The following UEVLD variants were observed in gnomAD, a reference collection of about 807,000 sequenced individuals.
UEVLD encodes UEV and lactate/malate dehyrogenase domains, also known as ubiquitin-conjugating enzyme E2 variant 3.
In UEVLD, 47 loss-of-function variants were observed where a neutral mutation model predicts 58.6. The ratio of observed to expected loss-of-function variants is 0.80; its 90% CI spans 0.63 to 1.02. The LOEUF (loss-of-function observed/expected upper bound fraction) is 1.02, where lower values mean the gene tolerates loss of function less well. UEVLD is among the 50% of genes least tolerant of loss of function. The pLI, the probability that UEVLD is intolerant of heterozygous loss-of-function variation, is 0.00. For missense variants in UEVLD, 510 were observed against 550.6 expected, an observed-to-expected ratio of 0.93 and a Z score of 0.74; for synonymous variants, 197 against 195.3, an observed-to-expected ratio of 1.01 and a Z score of -0.07.
At chr11:18,540,925 G>A (rs1287705711) in intron 9 of UEVLD, among the ~76,000 whole-genome samples, 1 of 152,170 alleles carries the variant, frequency 6.6e-6, no homozygotes. Flanking sequence ...AGCAAAGCAG[G>A]TGGCCAATAA....
chr11:18,570,096 A>C lies in UEVLD; in HGVS notation c.357+118T>G. ...CAATTTCAAATTACTTCCAAAGACT[A>C]CATGAAGAATATCATTGAAAGAAAA... On this transcript the variant is annotated intron_variant, in intron 4 of 11. Coordinates refer to ENST00000396197, the MANE Select transcript of UEVLD (RefSeq NM_001040697.4). The C allele has an allele frequency of 5.4e-6, 6 of 1,111,644 alleles. No homozygotes were observed. The South Asian group carries it at 1.0e-4, about 19-fold the overall frequency. The allele number at this position is 1,111,644 out of a possible 1,614,324, so 68.9% of individuals were successfully genotyped here. A position where few individuals can be genotyped will look rare whatever the true frequency, so the allele number is the denominator to read the frequency against.
chr11:18,560,285 T>G (rs574130288), intron 6 of UEVLD, among the ~76,000 whole-genome samples: 5 of 152,240 alleles, frequency 3.3e-5, no homozygotes, highest in African/African-American at 1.2e-4. Context: ...TAAAACATAG[T>G]TATTAATTTT....
intron 9 of UEVLD, chr11:18,536,878 G>A (rs1173648385): frequency 5.4e-6 from 1 of 184,986 alleles, no homozygotes; most frequent in Non-Finnish European, 1.1e-5. Flanking sequence ...CTGTTACAGA[G>A]GCAGAGAATC....
At chr11:18,585,289 G>A (rs1303141966) in intron 1 of UEVLD, among the ~76,000 whole-genome samples, 1 of 152,142 alleles carries the variant, frequency 6.6e-6, no homozygotes, top group Admixed American at 6.5e-5. Flanking sequence ...TGCATATTCT[G>A]AGCCTATAAC....
intron 3 of UEVLD, among the ~76,000 whole-genome samples, chr11:18,573,692 G>C (rs1303576733): frequency 6.6e-6 from 1 of 152,066 alleles, no homozygotes; most frequent in Non-Finnish European, 1.5e-5. Context: ...GCAAAAGGAG[G>C]TATCATGGTG....
intron 5 of UEVLD, among the ~76,000 whole-genome samples, chr11:18,566,127 G>C (rs894389468): frequency 6.6e-6 from 1 of 152,006 alleles, no homozygotes; most frequent in Admixed American, 6.6e-5. Context: ...TCCAACTCCT[G>C]ACCTCAGGTG....
At chr11:18,574,962 T>C (rs1364915080) in intron 3 of UEVLD, among the ~76,000 whole-genome samples, 1 of 152,148 alleles carries the variant, frequency 6.6e-6, no homozygotes, top group Admixed American at 6.5e-5. Flanking sequence ...CTGGAGCCTT[T>C]CAGAGTAGTG....
intron 9 of UEVLD, among the ~76,000 whole-genome samples, chr11:18,538,676 G>A (rs72876754): frequency 0.2 from 30,736 of 151,600 alleles, 3,266 homozygotes; most frequent in East Asian, 0.25. Context: ...AAAACCTCTC[G>A]CATGATTCAT....
chr11:18,546,954 T>C lies in UEVLD; in HGVS notation c.812A>G (p.Asp271Gly), dbSNP rs1157466636. ...SYLDVVQSNV[D>G]MFRALVPALG... The stretch of plus-strand genomic sequence containing the variant: ...AGCTGGGACAAGGGCTCTGAACATA[T>C]CCACATTGCTCTGTACCACATCAAG... The change falls in exon 8 of 12, where the codon GAT (aspartate) becomes GGT (glycine). Residue 271 changes from aspartate to glycine, a missense_variant. By Grantham distance (94) the Asp-to-Gly change is moderately conservative (BLOSUM62 -1). Transcript: ENST00000396197. The C allele has an allele frequency of 1.2e-6, 2 of 1,614,106 alleles. No individual in the cohort carries two copies. Among genetic ancestry groups the C allele is most frequent in the Non-Finnish European group, 1.7e-6 (2 of 1,180,024 alleles).
chr11:18,559,949 A>C (rs902252246), intron 6 of UEVLD, among the ~76,000 whole-genome samples: 7 of 152,056 alleles, frequency 4.6e-5, no homozygotes, highest in Non-Finnish European at 5.9e-5. Flanking sequence ...TCAGACAGAA[A>C]GTGTGATGGT....
chr11:18,535,202 T>G (rs994336454), intron 10 of UEVLD, among the ~76,000 whole-genome samples: 1 of 152,210 alleles, frequency 6.6e-6, no homozygotes, highest in African/African-American at 2.4e-5. Flanking sequence ...CAAGCTGGTC[T>G]CAAACTCCTG....
intron 7 of UEVLD, among the ~76,000 whole-genome samples, chr11:18,550,883 G>A (rs1488797392): frequency 6.6e-6 from 1 of 152,114 alleles, no homozygotes; most frequent in Non-Finnish European, 1.5e-5. Flanking sequence ...ATGTTCTGAA[G>A]ATTTTACTTA....
Position 18,566,329 on chromosome 11 carries a change from C to A in UEVLD, c.493+18G>T, listed in dbSNP as rs1361953054. On this transcript the variant is annotated intron_variant, in intron 5 of 11. Coordinates refer to ENST00000396197, the MANE Select transcript of UEVLD (RefSeq NM_001040697.4). Reference sequence around the variant, plus strand: ...AACTCATAACTCTCAAGATAATCTGCCTGACAAATATACAAACCTTCAGTG... The same window carrying A: ...AACTCATAACTCTCAAGATAATCTGACTGACAAATATACAAACCTTCAGTG... The A allele has an allele frequency of 6.2e-7, 1 of 1,613,138 alleles. No individual in the cohort carries two copies. Among genetic ancestry groups the A allele is most frequent in the African/African-American group, 1.3e-5 (1 of 74,988 alleles).
intron 8 of UEVLD, among the ~76,000 whole-genome samples, chr11:18,546,401 GC>G (rs1851302373): frequency 1.3e-5 from 2 of 152,020 alleles, no homozygotes; most frequent in Admixed American, 1.3e-4. Flanking sequence ...GTAACTGGTT[GC>G]CAGAATATTA....
intron 1 of UEVLD, among the ~76,000 whole-genome samples, chr11:18,582,487 C>T (rs539119213): frequency 5.5e-4 from 83 of 149,782 alleles, no homozygotes; most frequent in African/African-American, 2.0e-3. Context: ...GTGCGTGCCA[C>T]CATGCCTGGA....
chr11:18,558,311 AC>A lies in UEVLD; in HGVS notation c.631del (p.Val211SerfsTer3), dbSNP rs1468145550. 6.2e-7 allele frequency: 1 copy of A among 1,612,446 alleles called. No individual in the cohort carries two copies. The highest frequency in any genetic ancestry group is 2.2e-5 in the East Asian group (1 of 44,874). ...ISAKGIADRLVLLDLSEGTKG... is the reference protein window; with the variant it reads ...ISAKGIADRLXLLDLSEGTKG... ...AGTCCCTTCTGAGAGGTCTAAGAGG[AC>A]AAGCCTGTCTGCAATACCCTGTACA... On this transcript the variant is annotated frameshift_variant, in exon 7 of 12. Coordinates refer to ENST00000396197, the MANE Select transcript of UEVLD (RefSeq NM_001040697.4). LOFTEE classifies it high-confidence loss of function.
intron 8 of UEVLD, among the ~76,000 whole-genome samples, chr11:18,545,075 T>TC (rs60959151): frequency 4.4e-4 from 51 of 117,224 alleles, no homozygotes; most frequent in African/African-American, 1.5e-3. Flanking sequence ...TATATCTATA[T>TC]TTTTTTTTTT....
intron 1 of UEVLD, among the ~76,000 whole-genome samples, chr11:18,581,089 G>A (rs1853214467): frequency 1.3e-5 from 2 of 151,516 alleles, no homozygotes; most frequent in Admixed American, 6.6e-5. Flanking sequence ...TTAAACCCAG[G>A]AGGCGGAGGT....
chr11:18,558,202 T>C (rs111688251), intron 7 of UEVLD, 26 bp downstream of exon 7: 4 of 1,558,992 alleles, frequency 2.6e-6, no homozygotes, highest in African/African-American at 1.4e-5. Flanking sequence ...TAATAAGGCA[T>C]ACATCTTTAA....
Sources: allele counts gnomAD v4.1 joint callset (sites outside exome capture counted in the v4.1 genomes callset), GRCh38; gene constraint gnomAD v4.1.1; transcripts MANE v1.5; gene names NCBI Gene and HGNC (gene_info 2026-07-23, HGNC 2026-07-21).